The following MBD5 variants were observed in gnomAD, a reference collection of about 807,000 sequenced individuals.
MBD5 encodes methyl-CpG binding domain protein 5.
A neutral mutation model predicts 117.3 loss-of-function variants in MBD5; 13 were observed. The ratio of observed to expected loss-of-function variants is 0.11; its 90% CI spans 0.07 to 0.18. MBD5 has a LOEUF of 0.18. MBD5 is among the 10% of genes least tolerant of loss of function. The pLI is 1.00. For synonymous variants in MBD5, 727 were observed against 766.4 expected (o/e 0.95, Z 0.85); for missense variants, 1,879 against 2,093.8 (o/e 0.90, Z 2.00).
chr2:148,195,552 G>A (rs1698962066), intron 2 of MBD5, among the ~76,000 whole-genome samples: 1 of 152,074 alleles, frequency 6.6e-6, no homozygotes, highest in Admixed American at 6.6e-5. Flanking sequence ...AAACTAACCT[G>A]ACCGAATTGA....
chr2:148,358,857 A>G (rs148430917), intron 4 of MBD5, among the ~76,000 whole-genome samples: 92 of 152,290 alleles, frequency 6.0e-4, no homozygotes, highest in African/African-American at 1.9e-3. Flanking sequence ...CTTTTCAGAA[A>G]TAATCTAATC....
At chr2:148,107,678 G>T (rs1045795275) in intron 1 of MBD5, among the ~76,000 whole-genome samples, 2 of 150,596 alleles carry the variant, frequency 1.3e-5, no homozygotes, top group African/African-American at 2.4e-5. Flanking sequence ...ATTTTTTTTT[G>T]AGTTCATGGT....
chr2:148,398,503 GT>G (rs1215715242), intron 4 of MBD5, among the ~76,000 whole-genome samples: 1 of 152,054 alleles, frequency 6.6e-6, no homozygotes, highest in Non-Finnish European at 1.5e-5. Context: ...GGGGTTGTTT[GT>G]TTTTTTCTTG....
At chr2:148,296,517 C>T in intron 3 of MBD5, 1 of 158,888 alleles carries the variant, frequency 6.3e-6, no homozygotes, top group South Asian at 1.8e-4. Flanking sequence ...CAAAATTGCA[C>T]ATATTTCCCA....
intron 2 of MBD5, among the ~76,000 whole-genome samples, chr2:148,188,472 G>C (rs1698725428): frequency 6.6e-6 from 1 of 152,104 alleles, no homozygotes; most frequent in Admixed American, 6.6e-5. Context: ...GATCACTTGA[G>C]TCCAGGAGTT....
At chr2:148,386,012 AT>A (rs2105481607) in intron 4 of MBD5, among the ~76,000 whole-genome samples, 1 of 150,838 alleles carries the variant, frequency 6.6e-6, no homozygotes, top group South Asian at 2.1e-4. Context: ...CTAATGCTAA[AT>A]GAGGAGTTAA....
chr2:148,340,857 C>T (rs1037022331), intron 3 of MBD5, among the ~76,000 whole-genome samples: 63 of 150,446 alleles, frequency 4.2e-4, no homozygotes, highest in African/African-American at 1.5e-3. Context: ...CACACACACA[C>T]ACACACACAC....
At chr2:148,324,204 C>A (rs1702377484) in intron 3 of MBD5, among the ~76,000 whole-genome samples, 2 of 152,122 alleles carry the variant, frequency 1.3e-5, no homozygotes, top group African/African-American at 4.8e-5. Context: ...TGATCTATAT[C>A]TCTGTTTTGG....
chr2:148,344,285 G>A (rs1038658444), intron 4 of MBD5, among the ~76,000 whole-genome samples: 7 of 151,774 alleles, frequency 4.6e-5, no homozygotes, highest in Non-Finnish European at 8.8e-5. Flanking sequence ...TTGGATTTGC[G>A]TTGTCTCTTC....
At chr2:148,464,057 T>A in intron 7 of MBD5, 138 bp downstream of exon 7, 1 of 897,834 alleles carries the variant, frequency 1.1e-6, no homozygotes, top group Non-Finnish European at 1.6e-6. Context: ...TCCTGTAATT[T>A]TATTACAAAT....
chr2:148,317,804 G>T (rs1702189817), intron 3 of MBD5, among the ~76,000 whole-genome samples: 1 of 152,102 alleles, frequency 6.6e-6, no homozygotes, highest in Admixed American at 6.5e-5. Context: ...CTTTTTTATG[G>T]CTGAGTAGTA....
intron 2 of MBD5, among the ~76,000 whole-genome samples, chr2:148,200,898 CTTTAAAACTTTTT>C (rs1211339967): frequency 2.6e-5 from 4 of 152,104 alleles, no homozygotes; most frequent in Non-Finnish European, 5.9e-5. Flanking sequence ...TAAAAAGCTG[CTTTAAAACTTTTT>C]TTAAAATTCA....
chr2:148,043,841 C>T (rs998403227), intron 1 of MBD5, among the ~76,000 whole-genome samples: 1 of 152,158 alleles, frequency 6.6e-6, no homozygotes, highest in African/African-American at 2.4e-5. Context: ...TAACTTATTT[C>T]CAGTCTTTTG....
chr2:148,445,274 T>C lies in MBD5; in HGVS notation c.-556-12929T>C, dbSNP rs1706455354. 4.6e-5 allele frequency among the ~76,000 whole-genome samples: 7 copies of C among 151,180 alleles called. 1 individual carries two copies. Among genetic ancestry groups the C allele is most frequent in the Non-Finnish European group, 5.9e-5 (4 of 68,022 alleles). On this transcript the variant is annotated intron_variant, in intron 4 of 13. Coordinates refer to ENST00000642680, the MANE Select transcript of MBD5 (RefSeq NM_001378120.1). ...TTACATTAGGTGTATCTCCTAATGC[T>C]ATCCCTCCCCGCTCCCCCCACCCCA...
At chr2:148,287,441 G>A (rs1051341669) in intron 3 of MBD5, among the ~76,000 whole-genome samples, 4 of 152,144 alleles carry the variant, frequency 2.6e-5, no homozygotes, top group Non-Finnish European at 4.4e-5. Context: ...CAATTAGTGA[G>A]TGACGGATGT....
At chr2:148,034,580 C>T (rs1465145373) in intron 1 of MBD5, among the ~76,000 whole-genome samples, 3 of 152,136 alleles carry the variant, frequency 2.0e-5, no homozygotes, top group Non-Finnish European at 2.9e-5. Flanking sequence ...CTTTGCGCCA[C>T]TCATTGTGCT....
At chr2:148,317,387 TA>T (rs1392642961) in intron 3 of MBD5, among the ~76,000 whole-genome samples, 1 of 151,960 alleles carries the variant, frequency 6.6e-6, no homozygotes, top group African/African-American at 2.4e-5. Flanking sequence ...AAAATTGAGT[TA>T]ACCACATCTA....
At chr2:148,211,455 A>G (rs1202897353) in intron 2 of MBD5, among the ~76,000 whole-genome samples, 3 of 152,180 alleles carry the variant, frequency 2.0e-5, no homozygotes, top group Non-Finnish European at 2.9e-5. Context: ...TCAGCGTTTG[A>G]TTGAAATTTT....
At chr2:148,272,745 T>G (rs945343033) in intron 3 of MBD5, among the ~76,000 whole-genome samples, 1 of 152,214 alleles carries the variant, frequency 6.6e-6, no homozygotes, top group Admixed American at 6.5e-5. Context: ...GTCTCTTCAC[T>G]CTATTGTTTC....
Sources: gnomAD v4.1 joint callset for allele counts (sites outside exome capture counted in the v4.1 genomes callset) on GRCh38, gnomAD v4.1.1 for gene constraint, MANE v1.5 for transcripts, NCBI Gene and HGNC (gene_info 2026-07-23, HGNC 2026-07-21) for gene names.